The following DTWD1 variants were observed in gnomAD, a reference collection of about 807,000 sequenced individuals.
The protein encoded by DTWD1 is DTW motif tRNA-uridine aminocarboxypropyltransferase 1.
Under a neutral mutation model 30.2 loss-of-function variants are expected in DTWD1, and 27 were observed. The observed-to-expected ratio is 0.90, with a 90% CI of 0.66 to 1.23. DTWD1 has a LOEUF of 1.23. DTWD1 is among the 50% of genes most tolerant of loss of function. DTWD1 has a pLI of 0.00. For synonymous variants in DTWD1, 99 were observed against 113.1 expected (o/e 0.88, Z 0.79); for missense variants, 342 against 348.8 (o/e 0.98, Z 0.15).
In DTWD1 at chr15:49,646,840, T is replaced by C. The variant is rs1189381070; in HGVS notation, c.*3262T>C. 1 of 152,218 alleles carries C rather than the reference T, an allele frequency of 6.6e-6. No homozygotes were observed. Among genetic ancestry groups the C allele is most frequent in the Non-Finnish European group, 1.5e-5 (1 of 68,052 alleles). 9.4% of individuals were successfully genotyped at this position (152,218 alleles called of 1,614,324 possible). A position where few individuals can be genotyped will look rare whatever the true frequency, so the allele number is the denominator to read the frequency against. On this transcript the variant is annotated 3_prime_UTR_variant, in exon 5 of 5. Coordinates refer to ENST00000403028, the MANE Select transcript of DTWD1 (RefSeq NM_001144955.2). ...CAGCCTCACTTCCTTTCTTCCTCGC[T>C]CTTACCAGCCTGGATTGTACCTTTA... is the stretch of plus-strand genomic sequence containing the variant.
At chr15:49,640,062 A>C (rs1451939005) in intron 4 of DTWD1, among the ~76,000 whole-genome samples, 1 of 152,166 alleles carries the variant, frequency 6.6e-6, no homozygotes, top group African/African-American at 2.4e-5. Context: ...CAGTATTTCT[A>C]ACTTCCATTT....
intron 4 of DTWD1, among the ~76,000 whole-genome samples, chr15:49,642,769 T>G (rs2153354091): frequency 6.6e-6 from 1 of 151,852 alleles, no homozygotes; most frequent in East Asian, 1.9e-4. Context: ...AAAATAAAAA[T>G]AAAAAATCTT....
At chr15:49,633,043 C>CTATCTATATATATATATACATA (rs1555588572) in intron 3 of DTWD1, among the ~76,000 whole-genome samples, 1 of 129,492 alleles carries the variant, frequency 7.7e-6, no homozygotes. Context: ...CTATTTATAT[C>CTATCTATATATATATATACATA]TATATCTATA....
intron 2 of DTWD1, among the ~76,000 whole-genome samples, chr15:49,628,448 TAA>T (rs1339426196): frequency 2.6e-5 from 4 of 152,232 alleles, no homozygotes; most frequent in African/African-American, 9.6e-5. Flanking sequence ...GGCAGTGCAG[TAA>T]GTTTGTTTAC....
Position 49,654,559 on chromosome 15 carries a change from C to T in DTWD1, c.*10981C>T, listed in dbSNP as rs926234271. On this transcript the variant is annotated 3_prime_UTR_variant, in exon 5 of 5. Coordinates refer to ENST00000403028, the MANE Select transcript of DTWD1 (RefSeq NM_001144955.2). ...ACATGGTGAGTCCCTAGAGACACCA[C>T]ATGGAAAGGCCACCTAGGGAAGAAC... is the stretch of plus-strand genomic sequence containing the variant. The T allele has an allele frequency of 6.6e-6, 1 of 152,076 alleles. No individual in the cohort carries two copies. The highest frequency in any genetic ancestry group is 1.5e-5 in the Non-Finnish European group (1 of 68,016). The allele number at this position is 152,076 out of a possible 1,614,324, so 9.4% of individuals were successfully genotyped here.
rs1442387935 is a variant in DTWD1, at chr15:49,647,902, T to C, written c.*4324T>C. On this transcript the variant is annotated 3_prime_UTR_variant, in exon 5 of 5. Transcript: ENST00000403028. Reference sequence around the variant, plus strand: ...CAAGCAATAAAAAAGATCTCAGAAATTTAAAAAGTGATTGCTGAAATAAAA... The same window carrying C: ...CAAGCAATAAAAAAGATCTCAGAAACTTAAAAAGTGATTGCTGAAATAAAA... 6.6e-6 allele frequency: 1 copy of C among 151,738 alleles called. No individual in the cohort carries two copies. Among genetic ancestry groups the C allele is most frequent in the African/African-American group, 2.4e-5 (1 of 41,362 alleles). 9.4% of individuals were successfully genotyped at this position (151,738 alleles called of 1,614,324 possible).
rs2079147691 is a variant in DTWD1 at position 49,650,704 on chromosome 15, G to C, written c.*7126G>C. On this transcript the variant is annotated 3_prime_UTR_variant, in exon 5 of 5. Transcript: ENST00000403028. The stretch of plus-strand genomic sequence containing the variant: ...TCTCAGGGCAGCCCTCAGTGGAGAT[G>C]TAAGGCCTTGCTACTTCAGCCTCAT... 1 of 152,290 alleles carries C rather than the reference G, an allele frequency of 6.6e-6. No homozygotes were observed. Among genetic ancestry groups the C allele is most frequent in the South Asian group, 2.1e-4 (1 of 4,826 alleles). The allele number at this position is 152,290 out of a possible 1,614,324, so 9.4% of individuals were successfully genotyped here.
Position 49,651,866 on chromosome 15 carries a change from T to C in DTWD1, c.*8288T>C, listed in dbSNP as rs1448625017. On this transcript the variant is annotated 3_prime_UTR_variant, in exon 5 of 5. Transcript: ENST00000403028. ...ATATCCACAGGATCCACTAATAATA[T>C]CACTTTTTTCACCACTTGGAATTTG... 1 of 152,010 alleles carries C rather than the reference T, an allele frequency of 6.6e-6. No individual in the cohort carries two copies. The highest frequency in any genetic ancestry group is 1.9e-4 in the East Asian group (1 of 5,160). 9.4% of individuals were successfully genotyped at this position (152,010 alleles called of 1,614,324 possible). A position where few individuals can be genotyped will look rare whatever the true frequency, so the allele number is the denominator to read the frequency against.
rs1450748049 is a variant in DTWD1 at position 49,650,156 on chromosome 15, T to G, written c.*6578T>G. ...TTGAGGAATAACAAGGACACTAGTT[T>G]GGAACAGTGTGTGGGAGGGAAAAAA... is the stretch of plus-strand genomic sequence containing the variant. On this transcript the variant is annotated 3_prime_UTR_variant, in exon 5 of 5. Transcript: ENST00000403028. 1 of 152,036 alleles carries G rather than the reference T, an allele frequency of 6.6e-6. No homozygotes were observed. The highest frequency in any genetic ancestry group is 2.4e-5 in the African/African-American group (1 of 41,398). 9.4% of individuals were successfully genotyped at this position (152,036 alleles called of 1,614,324 possible).
At chr15:49,623,453 G>A (rs928181901) in intron 1 of DTWD1, among the ~76,000 whole-genome samples, 2 of 151,388 alleles carry the variant, frequency 1.3e-5, no homozygotes, top group Non-Finnish European at 1.5e-5. Flanking sequence ...TTTTAGAGAT[G>A]GGATCTCACT....
At chr15:49,627,260 C>A (rs2078856110) in intron 2 of DTWD1, among the ~76,000 whole-genome samples, 3 of 152,020 alleles carry the variant, frequency 2.0e-5, no homozygotes, top group Admixed American at 2.0e-4. Flanking sequence ...ATTTTAATGG[C>A]CTTGTATAAA....
At chr15:49,625,886 AGGGT>A (rs1241950640) in intron 2 of DTWD1, among the ~76,000 whole-genome samples, 4,095 of 152,216 alleles carry the variant, frequency 0.027, 192 homozygotes, top group African/African-American at 0.095. Flanking sequence ...CAAGAGTGGG[AGGGT>A]TGTTTGCAGG....
In DTWD1 at chr15:49,625,155, G is replaced by A. The variant is rs1480595252; in HGVS notation, c.-13G>A. 1.9e-6 allele frequency: 3 copies of A among 1,609,988 alleles called. No homozygotes were observed. Among genetic ancestry groups the A allele is most frequent in the South Asian group, 1.1e-5 (1 of 90,738 alleles). ...TTTTAGAAATAGCCGTTAAACTTTG[G>A]TTTGAATGAAGAATGTCTCTCAATC... On this transcript the variant is annotated 5_prime_UTR_variant, in exon 2 of 5. The change creates a premature stop within an existing upstream ORF in the 5' untranslated region. Coordinates refer to ENST00000403028, the MANE Select transcript of DTWD1 (RefSeq NM_001144955.2).
At chr15:49,623,838 A>C (rs1375619748) in intron 1 of DTWD1, 1 of 152,120 alleles carries the variant, frequency 6.6e-6, no homozygotes, top group South Asian at 2.1e-4. Flanking sequence ...AAGATTTTCT[A>C]TTTGTGAGGC....
intron 4 of DTWD1, among the ~76,000 whole-genome samples, chr15:49,637,974 G>A (rs1031040668): frequency 3.9e-5 from 6 of 152,172 alleles, no homozygotes; most frequent in African/African-American, 9.7e-5. Flanking sequence ...CAGGTACTAC[G>A]GAGCATAAGA....
intron 2 of DTWD1, among the ~76,000 whole-genome samples, chr15:49,626,425 T>C (rs2078845475): frequency 6.6e-6 from 1 of 152,142 alleles, no homozygotes; most frequent in East Asian, 1.9e-4. Flanking sequence ...ACCTTTATAC[T>C]TTTTGGGCTC....
At chr15:49,637,054 A>C (rs2079011682) in intron 4 of DTWD1, among the ~76,000 whole-genome samples, 1 of 152,184 alleles carries the variant, frequency 6.6e-6, no homozygotes, top group Non-Finnish European at 1.5e-5. Flanking sequence ...GAATTGAAAA[A>C]TAGTGAAATT....
At chr15:49,635,174 A>G (rs2078985084) in intron 4 of DTWD1, among the ~76,000 whole-genome samples, 3 of 151,932 alleles carry the variant, frequency 2.0e-5, no homozygotes, top group Non-Finnish European at 4.4e-5. Context: ...AGCTGGGATT[A>G]CAGGCGCCCA....
intron 2 of DTWD1, among the ~76,000 whole-genome samples, chr15:49,631,301 A>C (rs1174721771): frequency 6.6e-6 from 1 of 152,102 alleles, no homozygotes; most frequent in Non-Finnish European, 1.5e-5. Context: ...TATTGTTACT[A>C]TTTTTTAATT....
Sources: gnomAD v4.1 joint callset for allele counts (sites outside exome capture counted in the v4.1 genomes callset) on GRCh38, gnomAD v4.1.1 for gene constraint, MANE v1.5 for transcripts, NCBI Gene and HGNC (gene_info 2026-07-23, HGNC 2026-07-21) for gene names.